Variants in SLC43A2 observed in about 807,000 individuals in gnomAD.
SLC43A2 encodes the protein solute carrier family 43 member 2, also known as large neutral amino acids transporter small subunit 4.
A neutral mutation model predicts 63.2 loss-of-function variants in SLC43A2; 38 were observed. The ratio of observed to expected loss-of-function variants is 0.60; its 90% CI spans 0.46 to 0.79. The LOEUF is 0.79. Ranked by LOEUF, SLC43A2 falls within the 30% of genes least tolerant of loss-of-function variation. The pLI, the probability that SLC43A2 is intolerant of heterozygous loss-of-function variation, is 0.00. For missense variants in SLC43A2, 644 were observed against 756.2 expected (o/e 0.85, Z 1.74); for synonymous variants, 322 against 331.0 (o/e 0.97, Z 0.30).
chr17:1,624,865 C>T (rs1200282214), intron 2 of SLC43A2, among the ~76,000 whole-genome samples: 1 of 152,198 alleles, frequency 6.6e-6, no homozygotes, highest in Non-Finnish European at 1.5e-5. Context: ...CACTACATTC[C>T]AGACTGGGCA....
At chr17:1,603,200 C>CCA (rs1261919102) in intron 5 of SLC43A2, 2 of 152,156 alleles carry the variant, frequency 1.3e-5, no homozygotes, top group East Asian at 3.8e-4. Context: ...CTGGCAGGAA[C>CCA]CACAGCTCTG....
chr17:1,590,948 A>C lies in SLC43A2; in HGVS notation c.932T>G (p.Val311Gly). Residue 311 changes from valine to glycine, a missense_variant and splice_region_variant, in exon 9 of 14, where the codon GTG becomes GGG. Transcript: ENST00000301335. Reference sequence around the variant, plus strand: ...CACGCTGTGCATGAAGGAGGGGGCCACTGCAGGGAGAGGGTGCGGGGCTCA... The same window carrying C: ...CACGCTGTGCATGAAGGAGGGGGCCCCTGCAGGGAGAGGGTGCGGGGCTCA... The part of the protein sequence containing the change: ...LEVKCQPDAA[V>G]APSFMHSVFS... The C allele has an allele frequency of 6.5e-7, 1 of 1,549,782 alleles. No homozygotes were observed. Among genetic ancestry groups the C allele is most frequent in the Non-Finnish European group, 8.7e-7 (1 of 1,146,966 alleles).
rs897360565 is a variant in SLC43A2, at chr17:1,593,097, G to A, written c.594+90C>T. ...GGGTGGTGGAGAGGGGCCACCCCGG[G>A]TGCCCACAATTGCCTCCCTCTTCAG... On this transcript the variant is annotated intron_variant, in intron 6 of 13. Coordinates refer to ENST00000301335, the MANE Select transcript of SLC43A2 (RefSeq NM_152346.3). This position sits in a 1 kb window ranked among gnomAD's most constrained non-coding sequence, Gnocchi z 5.3. The A allele has an allele frequency of 1.6e-6, 2 of 1,277,260 alleles. No individual in the cohort carries two copies. The highest frequency in any genetic ancestry group is 2.9e-5 in the African/African-American group (2 of 68,060). 79.1% of individuals were successfully genotyped at this position (1,277,260 alleles called of 1,614,324 possible).
rs1598430124 is a variant in SLC43A2 at position 1,577,155 on chromosome 17, C to T, written c.1425-435G>A. Reference sequence around the variant, plus strand: ...CTGGGATTACAGGCGTGAGCCACCGCGCCCGGCCCTGCTGGGTGGTTCTGC... The same window carrying T: ...CTGGGATTACAGGCGTGAGCCACCGTGCCCGGCCCTGCTGGGTGGTTCTGC... On this transcript the variant is annotated intron_variant, in intron 12 of 13. Coordinates refer to ENST00000301335, the MANE Select transcript of SLC43A2 (RefSeq NM_152346.3). The surrounding 1 kb of genome is among the most constrained non-coding windows in gnomAD (Gnocchi z 4.9). Among the ~76,000 whole-genome samples, 1 of 152,186 alleles carries T rather than the reference C, an allele frequency of 6.6e-6. No homozygotes were observed.
chr17:1,616,328 C>T (rs1907658615), intron 3 of SLC43A2: 5 of 554,252 alleles, frequency 9.0e-6, no homozygotes, highest in South Asian at 4.9e-5. Flanking sequence ...CAAGCAGCTC[C>T]GGTCCCTGGG....
At chr17:1,585,204 T>A (rs938219435) in intron 10 of SLC43A2, 1 of 994,542 alleles carries the variant, frequency 1.0e-6, no homozygotes, top group South Asian at 4.4e-5. Flanking sequence ...CACTTTCACC[T>A]GTGTCTCTTT....
intron 2 of SLC43A2, among the ~76,000 whole-genome samples, chr17:1,621,558 C>T (rs568269522): frequency 6.6e-6 from 1 of 152,350 alleles, no homozygotes; most frequent in Non-Finnish European, 1.5e-5. Flanking sequence ...CACGGACAGG[C>T]AGAGGCCGTC....
intron 10 of SLC43A2, among the ~76,000 whole-genome samples, chr17:1,584,768 C>G (rs983732879): frequency 1.3e-5 from 2 of 150,080 alleles, no homozygotes; most frequent in African/African-American, 4.9e-5. Context: ...TGCAGTGAGC[C>G]GAGATAGAGC....
intron 5 of SLC43A2, chr17:1,604,896 A>G: frequency 5.9e-6 from 9 of 1,534,344 alleles, no homozygotes; most frequent in Middle Eastern, 3.4e-4. Flanking sequence ...CCCTGCCTCC[A>G]CCGGTCTCAG....
At chr17:1,608,890 C>T (rs1906852430) in intron 5 of SLC43A2, among the ~76,000 whole-genome samples, 1 of 152,144 alleles carries the variant, frequency 6.6e-6, no homozygotes, top group Non-Finnish European at 1.5e-5. Flanking sequence ...AGATCTCCTG[C>T]TCACTCGGAA....
chr17:1,575,658 A>T lies in SLC43A2; in HGVS notation c.1656T>A (p.Asp552Glu). Residue 552 changes from aspartate to glutamate, a missense_variant, in exon 14 of 14, where the codon GAT becomes GAA. Physicochemically the swap from Asp to Glu is conservative, Grantham distance 45. Coordinates refer to ENST00000301335, the MANE Select transcript of SLC43A2 (RefSeq NM_152346.3). The stretch of plus-strand genomic sequence containing the variant: ...CGTTGATTTTGAGGAAGAGTTTGTC[A>T]TCCTCCTGCCTCTGCTGCAGCTGCC... ...LERQLQQRQE[D>E]DKLFLKINGS... The T allele has an allele frequency of 6.2e-7, 1 of 1,614,096 alleles. No homozygotes were observed. Among genetic ancestry groups the T allele is most frequent in the East Asian group, 2.2e-5 (1 of 44,880 alleles).
At chr17:1,596,181 G>A (rs7214591) in intron 5 of SLC43A2, among the ~76,000 whole-genome samples, 56,570 of 151,836 alleles carry the variant, frequency 0.37, 11,073 homozygotes, top group African/African-American at 0.49. Context: ...TTAGCCGGGC[G>A]TGGTGGTGGA....
intron 6 of SLC43A2, among the ~76,000 whole-genome samples, chr17:1,592,551 G>T (rs1904918703): frequency 6.6e-6 from 1 of 152,160 alleles, no homozygotes; most frequent in Non-Finnish European, 1.5e-5. Flanking sequence ...ATGCCCAGGT[G>T]GCCAGCCCAC....
intron 2 of SLC43A2, 104 bp downstream of exon 2, chr17:1,627,611 C>T (rs1021516998): frequency 4.3e-5 from 42 of 970,716 alleles, no homozygotes; most frequent in Non-Finnish European, 5.8e-5. Context: ...CCTAGAGGCA[C>T]TGGGCAATGC....
intron 9 of SLC43A2, among the ~76,000 whole-genome samples, chr17:1,589,946 G>A (rs1904592905): frequency 6.6e-6 from 1 of 152,148 alleles, no homozygotes; most frequent in South Asian, 2.1e-4. Flanking sequence ...AGTAGAACTG[G>A]CTGTTATCTG....
At chr17:1,594,825 T>G (rs377558737) in intron 5 of SLC43A2, among the ~76,000 whole-genome samples, 1 of 151,668 alleles carries the variant, frequency 6.6e-6, no homozygotes, top group Non-Finnish European at 1.5e-5. Flanking sequence ...CCTGACCTCG[T>G]GATCCGCCCG....
intron 5 of SLC43A2, among the ~76,000 whole-genome samples, chr17:1,607,922 GC>G (rs1399309055): frequency 6.6e-6 from 1 of 152,062 alleles, no homozygotes; most frequent in African/African-American, 2.4e-5. Flanking sequence ...CACCATGTTG[GC>G]CAGCCTGCTC....
intron 10 of SLC43A2, among the ~76,000 whole-genome samples, chr17:1,584,093 C>T (rs184686363): frequency 6.6e-6 from 1 of 152,192 alleles, no homozygotes; most frequent in Admixed American, 6.5e-5. Context: ...CAGGGTTTCA[C>T]CATGTTAGCC....
chr17:1,578,306 C>T lies in SLC43A2; in HGVS notation c.1368G>A (p.Leu456=), dbSNP rs1567607460. The T allele has an allele frequency of 1.2e-6, 2 of 1,613,898 alleles. No individual in the cohort carries two copies. Among genetic ancestry groups the T allele is most frequent in the Non-Finnish European group, 1.7e-6 (2 of 1,179,958 alleles). ...GGATGAATCCTCGCACGATTGTGTG[C>T]AGGATGAAGGAGAGGATCTGGGGGA... ...NLPLQILSFI[L]HTIVRGFIHS... Residue 456 remains leucine, a synonymous_variant, in exon 12 of 14, where the codon CTG becomes CTA. Coordinates refer to ENST00000301335, the MANE Select transcript of SLC43A2 (RefSeq NM_152346.3). The surrounding 1 kb of genome is among the most constrained non-coding windows in gnomAD (Gnocchi z 6.5).
Sources: gnomAD v4.1 joint callset for allele counts (sites outside exome capture counted in the v4.1 genomes callset) on GRCh38, gnomAD v4.1.1 for gene constraint, Gnocchi (gnomAD v3.1) non-coding constraint, MANE v1.5 for transcripts, NCBI Gene and HGNC (gene_info 2026-07-23, HGNC 2026-07-21) for gene names.